Variants in RNF121 observed in about 807,000 individuals in gnomAD.
RNF121 encodes the protein E3 ubiquitin ligase RNF121.
Under a neutral mutation model 46.5 loss-of-function variants are expected in RNF121, and 21 were observed. That is an observed-to-expected ratio of 0.45 (90% confidence interval 0.32 to 0.65). The LOEUF is 0.65. Among genes scored for constraint, RNF121 ranks in the 30% least tolerant of loss-of-function variants. The probability of loss-of-function intolerance (pLI) is 0.04; values close to 1 mark genes in which losing one functional copy is unlikely to be tolerated. For synonymous variants in RNF121, 139 were observed against 144.7 expected (o/e 0.96, Z 0.28); for missense variants, 346 against 416.0 (o/e 0.83, Z 1.46).
intron 1 of RNF121, among the ~76,000 whole-genome samples, chr11:71,939,722 A>G (rs1953518656): frequency 6.6e-6 from 1 of 152,218 alleles, no homozygotes. Flanking sequence ...TCTTCATGTT[A>G]TAGTGTACAC....
intron 4 of RNF121, among the ~76,000 whole-genome samples, chr11:71,983,949 A>C (rs192466525): frequency 1.3e-5 from 2 of 152,322 alleles, no homozygotes; most frequent in Admixed American, 1.3e-4. Context: ...GTATAAGGTA[A>C]AATAGGTGAT....
intron 3 of RNF121, chr11:71,962,410 C>A: frequency 4.3e-6 from 2 of 461,212 alleles, no homozygotes; most frequent in Non-Finnish European, 5.7e-6. Context: ...TAAGAGGCTG[C>A]TCTGCTTGAT....
At position 71,974,534 on chromosome 11, in the gene RNF121, C is replaced by T. The variant is rs530999601; in HGVS notation, c.244-8227C>T. Among the ~76,000 whole-genome samples the T allele has an allele frequency of 2.0e-5, 3 of 152,208 alleles. No homozygotes were observed. The East Asian group carries it at 5.8e-4, about 29-fold the overall frequency. ...AGATTAGTAAACCAAGGTACAGAATCCTGAAGTGATTTGCTGGGAACACAT... is the reference window on the plus strand; with the variant it reads ...AGATTAGTAAACCAAGGTACAGAATTCTGAAGTGATTTGCTGGGAACACAT... On this transcript the variant is annotated intron_variant, in intron 3 of 8. Transcript: ENST00000361756.
chr11:71,994,678 C>G (rs747635558), intron 6 of RNF121, 41 bp from the exon 7 acceptor site: 3 of 1,611,826 alleles, frequency 1.9e-6, no homozygotes, highest in African/African-American at 1.3e-5. Context: ...GGCTGCTTCT[C>G]ACATCTTTTC....
At chr11:71,949,585 G>A (rs983091903) in intron 1 of RNF121, among the ~76,000 whole-genome samples, 6 of 152,046 alleles carry the variant, frequency 3.9e-5, no homozygotes, top group African/African-American at 1.4e-4. Context: ...GTGTGGTGGT[G>A]CGTGTCTATA....
At chr11:71,966,632 C>G (rs1274048303) in intron 3 of RNF121, among the ~76,000 whole-genome samples, 1 of 151,826 alleles carries the variant, frequency 6.6e-6, no homozygotes, top group South Asian at 2.1e-4. Context: ...CAGGTACACA[C>G]CACCACGCTT....
At chr11:71,960,211 T>A (rs75800455) in intron 2 of RNF121, among the ~76,000 whole-genome samples, 4 of 152,196 alleles carry the variant, frequency 2.6e-5, no homozygotes, top group African/African-American at 9.6e-5. Flanking sequence ...GTCCAGACTT[T>A]TTAGGCTTTA....
chr11:71,987,241 G>C (rs933611174), intron 5 of RNF121, 130 bp downstream of exon 5: 4 of 637,846 alleles, frequency 6.3e-6, no homozygotes, highest in Admixed American at 2.5e-5. Context: ...TGGGTGCTGT[G>C]GGGGGATGGG....
At chr11:71,938,314 ATTTTTT>A (rs71958930) in intron 1 of RNF121, among the ~76,000 whole-genome samples, 2 of 94,920 alleles carry the variant, frequency 2.1e-5, no homozygotes, top group African/African-American at 7.8e-5. Flanking sequence ...TAGTCTCTTA[ATTTTTT>A]TTTTTTTTTT....
intron 1 of RNF121, among the ~76,000 whole-genome samples, chr11:71,955,403 A>G (rs1195560287): frequency 6.6e-6 from 1 of 152,178 alleles, no homozygotes; most frequent in African/African-American, 2.4e-5. Context: ...TTACATTTCT[A>G]TCAAGCACCC....
chr11:71,946,603 C>T (rs1290886320), intron 1 of RNF121, among the ~76,000 whole-genome samples: 1 of 149,324 alleles, frequency 6.7e-6, no homozygotes, highest in Non-Finnish European at 1.5e-5. Flanking sequence ...TAATGGTTAC[C>T]AGGGCTTGGG....
intron 3 of RNF121, among the ~76,000 whole-genome samples, chr11:71,970,519 G>GTGCACTACTGCAC (rs1345165621): frequency 5.9e-5 from 9 of 152,046 alleles, no homozygotes; most frequent in Non-Finnish European, 1.2e-4. Context: ...AAAATTAGCT[G>GTGCACTACTGCAC]ACTGTGGTGG....
chr11:71,951,638 TAA>T (rs780940688), intron 1 of RNF121, among the ~76,000 whole-genome samples: 23 of 115,972 alleles, frequency 2.0e-4, no homozygotes, highest in East Asian at 2.4e-4. Flanking sequence ...CCCTGTCTCT[TAA>T]AAAAAAAAAA....
intron 3 of RNF121, chr11:71,978,340 C>A: frequency 8.1e-6 from 2 of 246,174 alleles, no homozygotes. Flanking sequence ...GCTTTCTAGG[C>A]CCCAAGCAGA....
chr11:71,980,845 G>T (rs1281235466), intron 3 of RNF121, among the ~76,000 whole-genome samples: 2 of 152,142 alleles, frequency 1.3e-5, no homozygotes, highest in African/African-American at 2.4e-5. Flanking sequence ...ACCAAAAAAA[G>T]TAAGCCATTT....
At chr11:71,978,097 C>G (rs1954568276) in intron 3 of RNF121, 2 of 325,926 alleles carry the variant, frequency 6.1e-6, no homozygotes, top group African/African-American at 2.3e-5. Flanking sequence ...GGTGGGGTTT[C>G]ACCGTGTTGC....
chr11:71,976,600 T>C lies in RNF121; in HGVS notation c.244-6161T>C, dbSNP rs146216796. Among the ~76,000 whole-genome samples, 1,101 of 152,190 alleles carry C rather than the reference T, an allele frequency of 7.2e-3. 3 individuals are homozygous for C. Among genetic ancestry groups the C allele is most frequent in the African/African-American group, 0.017 (715 of 41,532 alleles). ...GTCTCGATCTCTTGACCTCGTGATC[T>C]GCCTGCCTCGGCCTCCCAAAGTGCT... On this transcript the variant is annotated intron_variant, in intron 3 of 8. Transcript: ENST00000361756.
At chr11:71,991,755 T>G (rs2134218924) in intron 6 of RNF121, among the ~76,000 whole-genome samples, 1 of 152,130 alleles carries the variant, frequency 6.6e-6, no homozygotes, top group South Asian at 2.1e-4. Flanking sequence ...GGCCAAGAAG[T>G]GCCTGGAGAA....
At chr11:71,956,728 A>G (rs978034665) in intron 1 of RNF121, among the ~76,000 whole-genome samples, 3 of 152,152 alleles carry the variant, frequency 2.0e-5, no homozygotes, top group East Asian at 1.9e-4. Flanking sequence ...CTTGTGTACT[A>G]TGCAATTTTA....
Sources: allele counts gnomAD v4.1 joint callset (sites outside exome capture counted in the v4.1 genomes callset), GRCh38; gene constraint gnomAD v4.1.1; transcripts MANE v1.5; gene names NCBI Gene and HGNC (gene_info 2026-07-23, HGNC 2026-07-21).